TADA2A: variants seen among roughly 807,000 people sequenced by gnomAD.
TADA2A encodes transcriptional adaptor 2A.
In TADA2A, 38 loss-of-function variants were observed where a neutral mutation model predicts 67.4. The ratio of observed to expected loss-of-function variants is 0.56; its 90% CI spans 0.44 to 0.74. TADA2A has a LOEUF of 0.74. TADA2A is among the 30% of genes least tolerant of loss of function. The pLI, the probability that TADA2A is intolerant of heterozygous loss-of-function variation, is 0.00. For synonymous variants in TADA2A, 192 were observed against 181.6 expected, an observed-to-expected ratio of 1.06 and a Z score of -0.46; for missense variants, 454 against 547.0, an observed-to-expected ratio of 0.83 and a Z score of 1.70.
chr17:37,444,862 C>G, intron 8 of TADA2A, 94 bp downstream of exon 8: 1 of 1,139,870 alleles, frequency 8.8e-7, no homozygotes, highest in Non-Finnish European at 1.3e-6. Context: ...AGAACATGTC[C>G]CCTGCCCTTA....
At chr17:37,422,072 G>GTCT (rs2052252720) in intron 2 of TADA2A, among the ~76,000 whole-genome samples, 1 of 142,694 alleles carries the variant, frequency 7.0e-6, no homozygotes, top group Non-Finnish European at 1.6e-5. Flanking sequence ...TTGAGACAGA[G>GTCT]TAAGACTCTG....
intron 1 of TADA2A, among the ~76,000 whole-genome samples, chr17:37,408,999 A>G (rs1353264845): frequency 6.6e-6 from 1 of 152,212 alleles, no homozygotes; most frequent in Non-Finnish European, 1.5e-5. Flanking sequence ...TTATTAGTCC[A>G]CTACTATGTG....
rs777071633 is a variant in TADA2A, at chr17:37,423,613, C to A, written c.130C>A (p.Gln44Lys). The change falls in exon 3 of 16, where the codon CAG (glutamine) becomes AAG (lysine). Residue 44 changes from glutamine (Q) to lysine (K), a missense_variant and splice_region_variant. Coordinates refer to ENST00000615182, the MANE Select transcript of TADA2A (RefSeq NM_001166105.3). The stretch of plus-strand genomic sequence containing the variant: ...GCCACCTCCTTTTTTCCTCTGCTTG[C>A]AGGTAACTCACTAATGCTGGCTTCT... ...CGPPPFFLCL[Q>K]CFTRGFEYKK... 3.7e-6 allele frequency: 6 copies of A among 1,608,992 alleles called. No homozygotes were observed. The African/African-American group carries it at 8.0e-5, about 22-fold the overall frequency.
At chr17:37,455,687 G>A (rs1410940537) in intron 8 of TADA2A, among the ~76,000 whole-genome samples, 2 of 152,104 alleles carry the variant, frequency 1.3e-5, no homozygotes, top group African/African-American at 2.4e-5. Context: ...GGCCGCTTAC[G>A]AGGTTTTTTA....
At chr17:37,410,624 TAA>T (rs1417751723) in intron 1 of TADA2A, among the ~76,000 whole-genome samples, 2 of 152,280 alleles carry the variant, frequency 1.3e-5, no homozygotes, top group South Asian at 4.1e-4. Flanking sequence ...AGAGAAGAGT[TAA>T]ACAGTTGAGC....
At chr17:37,431,800 A>C (rs2052576607) in intron 4 of TADA2A, among the ~76,000 whole-genome samples, 1 of 152,108 alleles carries the variant, frequency 6.6e-6, no homozygotes, top group South Asian at 2.1e-4. Context: ...TCCTGACCTC[A>C]GGTGATCTGC....
chr17:37,422,484 T>TGATGATGATGATGATGATGATGATG, intron 2 of TADA2A, among the ~76,000 whole-genome samples: 2 of 85,660 alleles, frequency 2.3e-5, no homozygotes, highest in Non-Finnish European at 4.5e-5. Flanking sequence ...CCCAGCTGAT[T>TGATGATGATGATGATGATGATGATG]ATTATTATTA....
chr17:37,447,049 A>G (rs565644871), intron 8 of TADA2A, among the ~76,000 whole-genome samples: 5 of 152,370 alleles, frequency 3.3e-5, no homozygotes, highest in South Asian at 2.1e-4. Flanking sequence ...CATTTGAGCT[A>G]TAACTGGAAC....
intron 3 of TADA2A, 93 bp downstream of exon 3, chr17:37,423,708 C>A: frequency 1.1e-5 from 10 of 879,422 alleles, no homozygotes; most frequent in Non-Finnish European, 1.6e-5. Context: ...CTAAGGAGAT[C>A]TATGTCTTAT....
chr17:37,476,697 G>T (rs769635882), intron 15 of TADA2A, 100 bp from the exon 16 acceptor site: 44 of 1,201,478 alleles, frequency 3.7e-5, no homozygotes, highest in Non-Finnish European at 4.9e-5. Flanking sequence ...ATAAATAGTT[G>T]GAGGTTGATG....
At chr17:37,408,926 C>G (rs923249196) in intron 1 of TADA2A, among the ~76,000 whole-genome samples, 12 of 152,064 alleles carry the variant, frequency 7.9e-5, no homozygotes, top group African/African-American at 2.9e-4. Flanking sequence ...CTAAAAATTA[C>G]CAGGGTGAAA....
At chr17:37,467,578 C>A in intron 12 of TADA2A, 53 bp downstream of exon 12, 1 of 1,423,444 alleles carries the variant, frequency 7.0e-7, no homozygotes, top group Non-Finnish European at 9.8e-7. Flanking sequence ...CTTCCAGACA[C>A]ACAGAGGAAG....
chr17:37,430,964 A>G (rs925509214), intron 4 of TADA2A, among the ~76,000 whole-genome samples: 7 of 152,294 alleles, frequency 4.6e-5, no homozygotes, highest in African/African-American at 1.7e-4. Flanking sequence ...TGGATTTCAT[A>G]ATACCTCATG....
At chr17:37,474,286 C>T (rs1035605495) in intron 14 of TADA2A, among the ~76,000 whole-genome samples, 1 of 152,106 alleles carries the variant, frequency 6.6e-6, no homozygotes, top group Non-Finnish European at 1.5e-5. Flanking sequence ...TGAGTAGTTA[C>T]ATTTGATGCT....
intron 4 of TADA2A, among the ~76,000 whole-genome samples, chr17:37,436,070 T>C (rs2052715991): frequency 1.3e-5 from 2 of 152,002 alleles, no homozygotes; most frequent in African/African-American, 2.4e-5. Context: ...CTTTTTTTTT[T>C]CCCAAGCCAA....
At chr17:37,473,732 G>C (rs1338043857) in intron 14 of TADA2A, among the ~76,000 whole-genome samples, 1 of 152,104 alleles carries the variant, frequency 6.6e-6, no homozygotes, top group Non-Finnish European at 1.5e-5. Flanking sequence ...TCTTTCTCAG[G>C]TGTGTGAGTT....
At chr17:37,451,005 A>G (rs1022451733) in intron 8 of TADA2A, among the ~76,000 whole-genome samples, 2 of 151,858 alleles carry the variant, frequency 1.3e-5, no homozygotes, top group African/African-American at 4.8e-5. Flanking sequence ...TGTAGTACCA[A>G]TTATCAGCAG....
intron 1 of TADA2A, among the ~76,000 whole-genome samples, chr17:37,409,801 A>G (rs951194821): frequency 1.3e-5 from 2 of 151,912 alleles, no homozygotes; most frequent in African/African-American, 2.4e-5. Flanking sequence ...AAAAGCTGTG[A>G]GTGTACAGAA....
At chr17:37,471,524 T>G (rs889553795) in intron 14 of TADA2A, among the ~76,000 whole-genome samples, 2 of 152,240 alleles carry the variant, frequency 1.3e-5, no homozygotes, top group African/African-American at 4.8e-5. Context: ...TACTTATTTT[T>G]TGAGACAGAG....
Sources: allele counts gnomAD v4.1 joint callset (sites outside exome capture counted in the v4.1 genomes callset), GRCh38; gene constraint gnomAD v4.1.1; transcripts MANE v1.5; gene names NCBI Gene and HGNC (gene_info 2026-07-23, HGNC 2026-07-21).